Variants in WHRN observed in about 807,000 individuals in gnomAD.
The protein encoded by WHRN is CASK-interacting protein CIP98.
In WHRN, 41 loss-of-function variants were observed where a neutral mutation model predicts 68.3. The ratio of observed to expected loss-of-function variants is 0.60; its 90% CI spans 0.47 to 0.78. The LOEUF is 0.78. Ranked by LOEUF, WHRN falls within the 30% of genes least tolerant of loss-of-function variation. WHRN has a pLI of 0.00. For missense variants in WHRN, 1,243 were observed against 1,244.7 expected (o/e 1.00, Z 0.02); for synonymous variants, 560 against 561.3 (o/e 1.00, Z 0.03).
At chr9:114,452,575 G>A (rs923701328) in intron 3 of WHRN, among the ~76,000 whole-genome samples, 2 of 152,228 alleles carry the variant, frequency 1.3e-5, no homozygotes, top group African/African-American at 4.8e-5. Context: ...ACAGCACAGA[G>A]CAGGCATTTT....
In WHRN at chr9:114,406,735, G is replaced by C; in HGVS notation, c.1856C>G (p.Thr619Ser). 2 of 1,614,146 alleles carry C rather than the reference G, an allele frequency of 1.2e-6. No individual in the cohort carries two copies. The highest frequency in any genetic ancestry group is 1.7e-6 in the Non-Finnish European group (2 of 1,180,020). The part of the protein sequence containing the change: ...PPSSMPSCSG[T>S]VFSAPQNRSP... ...GCGGTTCTGTGGAGCCGAGAAGACAGTGCCCGAGCAGGAAGGCATGGAGGA... is the reference window on the plus strand; with the variant it reads ...GCGGTTCTGTGGAGCCGAGAAGACACTGCCCGAGCAGGAAGGCATGGAGGA... The change falls in exon 9 of 12, where the codon ACT (threonine) becomes AGT (serine). Residue 619 changes from threonine (T) to serine (S), a missense_variant. By Grantham distance (58) the Thr-to-Ser change is moderately conservative (BLOSUM62 1). Transcript: ENST00000362057.
chr9:114,465,553 T>C (rs1284930652), intron 3 of WHRN, among the ~76,000 whole-genome samples: 1 of 152,164 alleles, frequency 6.6e-6, no homozygotes, highest in Non-Finnish European at 1.5e-5. Context: ...CCCAAACACA[T>C]GGTGCTCTTT....
At chr9:114,420,481 G>C (rs561146500) in intron 7 of WHRN, among the ~76,000 whole-genome samples, 1 of 152,304 alleles carries the variant, frequency 6.6e-6, no homozygotes, top group East Asian at 1.9e-4. Context: ...ACCTGCTAAT[G>C]AAATGCAGAG....
Position 114,472,436 on chromosome 9 carries a change from GT to G in WHRN, c.838-6045del, listed in dbSNP as rs1002326971. On this transcript the variant is annotated intron_variant, in intron 2 of 11. Coordinates refer to ENST00000362057, the MANE Select transcript of WHRN (RefSeq NM_015404.4). ...CTCTGCCCAGATAGGACGGATCCGT[GT>G]ATGATCATTTCCTTGTCAGCTTCAG... Among the ~76,000 whole-genome samples the G allele has an allele frequency of 5.9e-5, 9 of 152,322 alleles. 1 individual carries two copies. The highest frequency in any genetic ancestry group is 2.2e-4 in the African/African-American group (9 of 41,572).
chr9:114,441,081 G>A lies in WHRN; in HGVS notation c.964-14668C>T, dbSNP rs188025565. The stretch of plus-strand genomic sequence containing the variant: ...TGGTAAACAGATGATGTAAACTTAC[G>A]GAATCAATAAATTCAGTAAGGCACT... On this transcript the variant is annotated intron_variant, in intron 3 of 11. Coordinates refer to ENST00000362057, the MANE Select transcript of WHRN (RefSeq NM_015404.4). Among the ~76,000 whole-genome samples, 113 of 152,126 alleles carry A rather than the reference G, an allele frequency of 7.4e-4. 2 individuals carry two copies. The highest frequency in any genetic ancestry group is 6.8e-3 in the Middle Eastern group (2 of 294).
intron 3 of WHRN, among the ~76,000 whole-genome samples, chr9:114,448,744 C>T (rs555550527): frequency 1.3e-5 from 2 of 152,328 alleles, no homozygotes; most frequent in East Asian, 1.9e-4. Flanking sequence ...CCATAGCCAA[C>T]ATCAACTTCC....
At chr9:114,411,618 G>A (rs976213882) in intron 7 of WHRN, among the ~76,000 whole-genome samples, 3 of 152,206 alleles carry the variant, frequency 2.0e-5, no homozygotes, top group African/African-American at 4.8e-5. Context: ...CAGGGAGGGT[G>A]TGACTTTTTC....
intron 3 of WHRN, among the ~76,000 whole-genome samples, chr9:114,446,287 T>C (rs1199959478): frequency 3.3e-5 from 5 of 152,088 alleles, no homozygotes; most frequent in South Asian, 2.1e-4. Context: ...ATGCCCAAAA[T>C]AGGCGTATCT....
chr9:114,457,549 G>C (rs1839906523), intron 3 of WHRN, among the ~76,000 whole-genome samples: 1 of 152,104 alleles, frequency 6.6e-6, no homozygotes, highest in South Asian at 2.1e-4. Context: ...CATGGGAATA[G>C]AAAATCACCC....
At chr9:114,481,813 G>A (rs984531469) in intron 1 of WHRN, among the ~76,000 whole-genome samples, 16 of 152,238 alleles carry the variant, frequency 1.1e-4, no homozygotes, top group African/African-American at 3.4e-4. Context: ...AGCCTGGTGA[G>A]AAACAAGGAG....
chr9:114,478,825 G>C (rs56168690), intron 1 of WHRN, 54 bp from the exon 2 acceptor site: 1 of 1,531,008 alleles, frequency 6.5e-7, no homozygotes, highest in East Asian at 2.3e-5. Flanking sequence ...GGGGTGTGGA[G>C]GAACACCCTC....
At chr9:114,455,708 T>A (rs2132781131) in intron 3 of WHRN, among the ~76,000 whole-genome samples, 1 of 99,446 alleles carries the variant, frequency 1.0e-5, no homozygotes, top group South Asian at 4.4e-4. Flanking sequence ...AGCAAGACCC[T>A]GTCTCAAAAA....
intron 1 of WHRN, among the ~76,000 whole-genome samples, chr9:114,482,683 TA>T (rs1329761041): frequency 9.5e-4 from 138 of 145,470 alleles, no homozygotes; most frequent in Middle Eastern, 3.5e-3. Context: ...CCAAGGAGTT[TA>T]AAAAAAAAAA....
chr9:114,478,445 TG>T, intron 2 of WHRN, 107 bp downstream of exon 2: 2 of 1,248,664 alleles, frequency 1.6e-6, no homozygotes, highest in Non-Finnish European at 2.4e-6. Flanking sequence ...AGACAGAGCC[TG>T]GACAGAACCA....
At chr9:114,448,334 C>A (rs953052838) in intron 3 of WHRN, among the ~76,000 whole-genome samples, 14 of 152,160 alleles carry the variant, frequency 9.2e-5, no homozygotes, top group African/African-American at 3.4e-4. Flanking sequence ...CCAGCAAAAA[C>A]TGGAAGAGCG....
At chr9:114,503,122 T>C in intron 1 of WHRN, 1 of 985,464 alleles carries the variant, frequency 1.0e-6, no homozygotes, top group Non-Finnish European at 1.2e-6. Flanking sequence ...CACAGGCCAC[T>C]GAACGGCACT....
At chr9:114,471,016 C>T (rs1841171551) in intron 2 of WHRN, among the ~76,000 whole-genome samples, 1 of 152,132 alleles carries the variant, frequency 6.6e-6, no homozygotes, top group Non-Finnish European at 1.5e-5. Context: ...AAATTCTTTA[C>T]ATCAGAATAA....
At chr9:114,445,658 T>C (rs941213793) in intron 3 of WHRN, among the ~76,000 whole-genome samples, 2 of 152,128 alleles carry the variant, frequency 1.3e-5, no homozygotes, top group Non-Finnish European at 2.9e-5. Context: ...GTAGAGTGGG[T>C]CTAGGCCCTC....
rs180720304 is a variant in WHRN, at chr9:114,444,297, T to C, written c.964-17884A>G. On this transcript the variant is annotated intron_variant, in intron 3 of 11. Coordinates refer to ENST00000362057, the MANE Select transcript of WHRN (RefSeq NM_015404.4). ...GGAATTAACCCCAACCAAATAACCA[T>C]GGTTATACAGAATTTAAATTTACAA... is the stretch of plus-strand genomic sequence containing the variant. Among the ~76,000 whole-genome samples the C allele has an allele frequency of 2.0e-5, 3 of 152,262 alleles. No individual in the cohort carries two copies. The East Asian group carries it at 5.8e-4, about 29-fold the overall frequency.
Sources: gnomAD v4.1 joint callset for allele counts (sites outside exome capture counted in the v4.1 genomes callset) on GRCh38, gnomAD v4.1.1 for gene constraint, MANE v1.5 for transcripts, NCBI Gene and HGNC (gene_info 2026-07-23, HGNC 2026-07-21) for gene names.